The following KIAA1191 variants were observed in gnomAD, a reference collection of about 807,000 sequenced individuals.
KIAA1191 encodes KIAA1191.
KIAA1191 carries 22 observed loss-of-function variants against 31.1 expected under a neutral mutation model. The ratio of observed to expected loss-of-function variants is 0.71; its 90% CI spans 0.51 to 1.01. KIAA1191 has a LOEUF of 1.01. Ranked by LOEUF, KIAA1191 falls within the 50% of genes least tolerant of loss-of-function variation. The pLI is 0.00. For missense variants in KIAA1191, 319 were observed against 388.0 expected (o/e 0.82, Z 1.49); for synonymous variants, 130 against 143.9 (o/e 0.90, Z 0.69).
intron 6 of KIAA1191, chr5:176,349,156 A>T (rs1472816711): frequency 6.6e-6 from 1 of 152,246 alleles, no homozygotes; most frequent in African/African-American, 2.4e-5. Context: ...AGACACAGAA[A>T]GTGGGTCAAC....
Position 176,347,927 on chromosome 5 carries a change from C to T in KIAA1191, c.703G>A (p.Asp235Asn), listed in dbSNP as rs762386960. ...LFGPRSLQKY[D>N]SGSFATQAYR... ...TTTGAAGGTGCTGCCTTACCAGAAT[C>T]GTACTTCTGAAGGGATCTCGGTCCA... The change falls in exon 8 of 9, where the codon GAT (aspartate) becomes AAT (asparagine). Residue 235 changes from aspartate to asparagine, a missense_variant. Asp to Asn is a conservative substitution (Grantham distance 23). Coordinates refer to ENST00000298569, the MANE Select transcript of KIAA1191 (RefSeq NM_020444.5). The T allele has an allele frequency of 5.0e-6, 8 of 1,614,024 alleles. No homozygotes were observed. Among genetic ancestry groups the T allele is most frequent in the East Asian group, 2.2e-5 (1 of 44,892 alleles).
intron 6 of KIAA1191, 43 bp from the exon 7 acceptor site, chr5:176,348,399 C>T: frequency 6.7e-7 from 1 of 1,487,018 alleles, no homozygotes; most frequent in Non-Finnish European, 9.3e-7. Flanking sequence ...AAAATGAAAG[C>T]AAATTCCAAA....
At chr5:176,350,556 A>C (rs1766902627) in intron 6 of KIAA1191, 57 bp downstream of exon 6, 2 of 1,590,562 alleles carry the variant, frequency 1.3e-6, no homozygotes, top group South Asian at 2.3e-5. Flanking sequence ...AACCACAGCC[A>C]CATTTCAAGC....
intron 2 of KIAA1191, 99 bp downstream of exon 2, chr5:176,359,709 AAAG>A (rs1254841339): frequency 5.4e-6 from 3 of 554,256 alleles, no homozygotes; most frequent in East Asian, 3.1e-5. Context: ...GCCAATGAAA[AAAG>A]AAGGATAAAG....
At chr5:176,359,315 T>C in intron 3 of KIAA1191, 166 bp downstream of exon 3, 3 of 560,278 alleles carry the variant, frequency 5.4e-6, no homozygotes, top group Non-Finnish European at 9.3e-6. Flanking sequence ...CAAGACTCCA[T>C]CTCAAAAAAA....
At chr5:176,351,851 C>G (rs1767040964) in intron 5 of KIAA1191, among the ~76,000 whole-genome samples, 1 of 151,916 alleles carries the variant, frequency 6.6e-6, no homozygotes, top group African/African-American at 2.4e-5. Context: ...CAAACTGATG[C>G]CCTCCTGGAG....
In KIAA1191 at chr5:176,356,531, G is replaced by A. The variant is rs962110515; in HGVS notation, c.29-782C>T. 2.0e-5 allele frequency among the ~76,000 whole-genome samples: 3 copies of A among 152,158 alleles called. No individual in the cohort carries two copies. In the East Asian group the frequency reaches 5.8e-4, roughly 29 times the overall value. On this transcript the variant is annotated intron_variant, in intron 3 of 8. Transcript: ENST00000298569. The stretch of plus-strand genomic sequence containing the variant: ...CTGTATGATTTATTTAAACAGTAGA[G>A]TCACTTTCCATCACAGAAATTATTG...
At chr5:176,353,012 A>G (rs1767170238) in intron 4 of KIAA1191, among the ~76,000 whole-genome samples, 1 of 152,206 alleles carries the variant, frequency 6.6e-6, no homozygotes, top group South Asian at 2.1e-4. Context: ...ACCTTCCCAG[A>G]CTATGATCTT....
chr5:176,360,392 G>C (rs1297614905), intron 1 of KIAA1191, among the ~76,000 whole-genome samples: 1 of 151,656 alleles, frequency 6.6e-6, no homozygotes, highest in African/African-American at 2.4e-5. Flanking sequence ...TCCTGACCTT[G>C]CGATCCGCCC....
intron 6 of KIAA1191, among the ~76,000 whole-genome samples, chr5:176,349,964 TGAG>T (rs1766845677): frequency 6.6e-6 from 1 of 152,138 alleles, no homozygotes; most frequent in Admixed American, 6.5e-5. Context: ...TGCTTTGGAA[TGAG>T]GAGGAAGAAG....
chr5:176,350,467 T>C (rs1766890670), intron 6 of KIAA1191, 146 bp downstream of exon 6: 1 of 963,604 alleles, frequency 1.0e-6, no homozygotes. Context: ...TATAGGTGGA[T>C]AAGCAAAAAC....
intron 6 of KIAA1191, among the ~76,000 whole-genome samples, chr5:176,349,339 G>C (rs1314781955): frequency 2.0e-5 from 3 of 152,162 alleles, no homozygotes; most frequent in Non-Finnish European, 4.4e-5. Context: ...TCCTATAGCA[G>C]TTTTTAAACC....
At position 176,350,757 on chromosome 5, in the gene KIAA1191, C is replaced by T. The variant is rs745624556; in HGVS notation, c.335-20G>A. ...TCTGTTCTGGGAACAGAGGAGATGA[C>T]AGTCATGCCCATTCCCCTCTCCCAT... On this transcript the variant is annotated intron_variant, in intron 5 of 8. Coordinates refer to ENST00000298569, the MANE Select transcript of KIAA1191 (RefSeq NM_020444.5). 3 of 1,612,614 alleles carry T rather than the reference C, an allele frequency of 1.9e-6. No individual in the cohort carries two copies. The highest frequency in any genetic ancestry group is 2.5e-6 in the Non-Finnish European group (3 of 1,179,516).
intron 3 of KIAA1191, among the ~76,000 whole-genome samples, chr5:176,356,858 C>G (rs1035139458): frequency 3.9e-5 from 6 of 152,104 alleles, no homozygotes; most frequent in Non-Finnish European, 8.8e-5. Flanking sequence ...GGCAAGGGGA[C>G]CAAGCAGCTA....
chr5:176,353,135 T>G, intron 4 of KIAA1191: 1 of 164,762 alleles, frequency 6.1e-6, no homozygotes, highest in Non-Finnish European at 1.3e-5. Flanking sequence ...ACTGGCTAAG[T>G]GGTTCTGACC....
chr5:176,352,138 C>T (rs1033570521), intron 5 of KIAA1191, among the ~76,000 whole-genome samples: 3 of 149,410 alleles, frequency 2.0e-5, no homozygotes, highest in African/African-American at 7.5e-5. Flanking sequence ...TCCTGGTAGA[C>T]CAACTTTGAG....
chr5:176,359,775 G>A, intron 2 of KIAA1191, 36 bp downstream of exon 2: 1 of 396,006 alleles, frequency 2.5e-6, no homozygotes, highest in Non-Finnish European at 4.8e-6. Flanking sequence ...AGATGACAGA[G>A]CTAAGATGCC....
chr5:176,360,195 C>A (rs1019880145), intron 1 of KIAA1191, among the ~76,000 whole-genome samples: 4 of 135,280 alleles, frequency 3.0e-5, no homozygotes, highest in African/African-American at 1.1e-4. Flanking sequence ...CTCACTCTGT[C>A]GCCCAGGCTG....
chr5:176,352,190 G>T (rs1025833085), intron 5 of KIAA1191, among the ~76,000 whole-genome samples: 1 of 151,900 alleles, frequency 6.6e-6, no homozygotes, highest in Admixed American at 6.6e-5. Flanking sequence ...CAAAAACTGG[G>T]GTAAGTGGGA....
Sources: allele counts gnomAD v4.1 joint callset (sites outside exome capture counted in the v4.1 genomes callset), GRCh38; gene constraint gnomAD v4.1.1; transcripts MANE v1.5; gene names NCBI Gene and HGNC (gene_info 2026-07-23, HGNC 2026-07-21).